Variants in IL1RAPL1 observed in about 807,000 individuals in gnomAD.
IL1RAPL1 encodes interleukin-1 receptor accessory protein-like 1.
A neutral mutation model predicts 48.4 loss-of-function variants in IL1RAPL1; 3 were observed. That is an observed-to-expected ratio of 0.06 (90% CI 0.03 to 0.16). The LOEUF is 0.16. IL1RAPL1 is among the 10% of genes least tolerant of loss of function. The pLI is 1.00. For synonymous variants in IL1RAPL1, 185 were observed against 187.7 expected (o/e 0.99, Z 0.12); for missense variants, 349 against 530.6 (o/e 0.66, Z 3.36).
intron 6 of IL1RAPL1, among the ~76,000 whole-genome samples, chrX:29,849,476 T>A (rs60910416): frequency 9.0e-6 from 1 of 111,612 alleles, no homozygotes; most frequent in Non-Finnish European, 1.9e-5. Flanking sequence ...AAATATTTTC[T>A]CAGGTATTGA....
intron 5 of IL1RAPL1, among the ~76,000 whole-genome samples, chrX:29,480,069 A>G (rs997865374): frequency 5.5e-5 from 6 of 108,343 alleles, no homozygotes; most frequent in Admixed American, 4.9e-4. Context: ...CAAGCCAACA[A>G]CTTCACAGAA....
chrX:28,945,112 C>T (rs1292329961), intron 2 of IL1RAPL1, among the ~76,000 whole-genome samples: 1 of 111,146 alleles, frequency 9.0e-6, no homozygotes, highest in Non-Finnish European at 1.9e-5. Context: ...TAAATTCTGG[C>T]GAGGCTATGG....
At chrX:28,696,414 G>A (rs1935232468) in intron 1 of IL1RAPL1, among the ~76,000 whole-genome samples, 1 of 111,384 alleles carries the variant, frequency 9.0e-6, no homozygotes, top group African/African-American at 3.3e-5. Flanking sequence ...TCATAGATAA[G>A]TTGTTAATTG....
intron 1 of IL1RAPL1, chrX:28,659,133 G>A (rs1934786178): frequency 1.5e-6 from 1 of 668,044 alleles, no homozygotes; most frequent in African/African-American, 2.1e-5. Context: ...CGTTTGGCAT[G>A]GATAGCACAC....
At position 29,885,146 on chromosome X, in the gene IL1RAPL1, C is replaced by T. The variant is rs781639556; in HGVS notation, c.779-32318C>T. Among the ~76,000 whole-genome samples, 4 of 111,770 alleles carry T rather than the reference C, an allele frequency of 3.6e-5. No homozygotes were observed. In the South Asian group the frequency reaches 1.5e-3, roughly 42 times the overall value. Reference sequence around the variant, plus strand: ...ATGCCAAGCACACTTCCTTCTTAGACCTTTGTACTCACTGCCTGCAATGAA... The same window carrying T: ...ATGCCAAGCACACTTCCTTCTTAGATCTTTGTACTCACTGCCTGCAATGAA... On this transcript the variant is annotated intron_variant, in intron 6 of 10. Coordinates refer to ENST00000378993, the MANE Select transcript of IL1RAPL1 (RefSeq NM_014271.4).
At chrX:29,161,750 C>T (rs1194160928) in intron 2 of IL1RAPL1, among the ~76,000 whole-genome samples, 1 of 112,086 alleles carries the variant, frequency 8.9e-6, no homozygotes, top group African/African-American at 3.2e-5. Flanking sequence ...CGCTTTTACA[C>T]TGTTGGTGGG....
At chrX:28,949,855 G>C (rs1259250512) in intron 2 of IL1RAPL1, among the ~76,000 whole-genome samples, 1 of 109,968 alleles carries the variant, frequency 9.1e-6, no homozygotes, top group Non-Finnish European at 1.9e-5. Context: ...TGTCAGATGA[G>C]TAGGTTGCGA....
At chrX:29,240,195 C>CACACATATAT (rs1555979978) in intron 2 of IL1RAPL1, among the ~76,000 whole-genome samples, 2 of 27,226 alleles carry the variant, frequency 7.3e-5, no homozygotes, top group Admixed American at 5.4e-4. Context: ...CACACACACA[C>CACACATATAT]ATATATATAT....
At chrX:29,108,457 A>C (rs1166521373) in intron 2 of IL1RAPL1, among the ~76,000 whole-genome samples, 1 of 111,147 alleles carries the variant, frequency 9.0e-6, no homozygotes, top group Non-Finnish European at 1.9e-5. Flanking sequence ...GCTGGAATGC[A>C]ATGGCATGAT....
intron 5 of IL1RAPL1, among the ~76,000 whole-genome samples, chrX:29,441,495 G>T (rs1307581260): frequency 8.9e-6 from 1 of 112,178 alleles, no homozygotes; most frequent in Admixed American, 9.5e-5. Flanking sequence ...ACTGATGAAT[G>T]AATTAACATG....
At chrX:29,925,066 A>G (rs1342160881) in intron 8 of IL1RAPL1, among the ~76,000 whole-genome samples, 1 of 111,509 alleles carries the variant, frequency 9.0e-6, no homozygotes, top group Non-Finnish European at 1.9e-5. Flanking sequence ...ACTGAGAGTT[A>G]CAGTAAGGTC....
chrX:29,248,678 G>C (rs1481669012), intron 2 of IL1RAPL1, among the ~76,000 whole-genome samples: 1 of 112,217 alleles, frequency 8.9e-6, no homozygotes, highest in Admixed American at 9.4e-5. Flanking sequence ...AAATGGTATA[G>C]AGAATTAGGT....
chrX:29,940,509 G>A (rs1933109657), intron 8 of IL1RAPL1, among the ~76,000 whole-genome samples: 1 of 111,982 alleles, frequency 8.9e-6, no homozygotes, highest in Admixed American at 9.5e-5. Context: ...ATATTTAATT[G>A]TAGTTAAGGA....
intron 3 of IL1RAPL1, among the ~76,000 whole-genome samples, chrX:29,312,166 G>A (rs1265132019): frequency 1.8e-5 from 2 of 111,766 alleles, no homozygotes; most frequent in South Asian, 3.7e-4. Context: ...CCGGCCAGGC[G>A]TGGTGGCTCA....
intron 2 of IL1RAPL1, among the ~76,000 whole-genome samples, chrX:28,972,689 A>G (rs1323014741): frequency 9.0e-6 from 1 of 111,494 alleles, no homozygotes; most frequent in Non-Finnish European, 1.9e-5. Flanking sequence ...GAGTGAGCCG[A>G]GATCGTGCCA....
intron 3 of IL1RAPL1, among the ~76,000 whole-genome samples, chrX:29,285,393 A>G (rs769017501): frequency 1.9e-5 from 2 of 107,783 alleles, no homozygotes; most frequent in East Asian, 5.9e-4. Flanking sequence ...TTAGCCGGGC[A>G]TGATGGTGCA....
intron 1 of IL1RAPL1, among the ~76,000 whole-genome samples, chrX:28,676,878 C>T (rs889117050): frequency 2.7e-5 from 3 of 111,427 alleles, no homozygotes; most frequent in East Asian, 5.6e-4. Context: ...TTCTCTTATA[C>T]GTAGTGACAG....
At chrX:29,238,810 A>G (rs1931356326) in intron 2 of IL1RAPL1, among the ~76,000 whole-genome samples, 4 of 112,493 alleles carry the variant, frequency 3.6e-5, no homozygotes, top group Admixed American at 1.9e-4. Flanking sequence ...TACACTGTCA[A>G]TTGTAGAAGG....
At chrX:29,293,468 A>C (rs1274931261) in intron 3 of IL1RAPL1, among the ~76,000 whole-genome samples, 2 of 111,408 alleles carry the variant, frequency 1.8e-5, no homozygotes, top group South Asian at 7.4e-4. Context: ...AATTTTCTTC[A>C]AAAAGTATCA....
Sources: gnomAD v4.1 joint callset for allele counts (sites outside exome capture counted in the v4.1 genomes callset) on GRCh38, gnomAD v4.1.1 for gene constraint, MANE v1.5 for transcripts, NCBI Gene and HGNC (gene_info 2026-07-23, HGNC 2026-07-21) for gene names.